The following CFAP70 variants were observed in gnomAD, a reference collection of about 807,000 sequenced individuals.
CFAP70 encodes cilia and flagella associated protein 70.
A neutral mutation model predicts 137.6 loss-of-function variants in CFAP70; 81 were observed. That is an observed-to-expected ratio of 0.59 (90% CI 0.49 to 0.71). The LOEUF (loss-of-function observed/expected upper bound fraction) is 0.71, where lower values mean the gene tolerates loss of function less well. Among genes scored for constraint, CFAP70 ranks in the 30% least tolerant of loss-of-function variants. The pLI is 0.00. For synonymous variants in CFAP70, 382 were observed against 423.6 expected, an observed-to-expected ratio of 0.90 and a Z score of 1.20; for missense variants, 976 against 1,226.7, an observed-to-expected ratio of 0.80 and a Z score of 3.05.
chr10:73,340,672 C>CT (rs1245867426), intron 6 of CFAP70, among the ~76,000 whole-genome samples: 1 of 152,210 alleles, frequency 6.6e-6, no homozygotes, highest in Non-Finnish European at 1.5e-5. Context: ...CGTGGGTGCC[C>CT]AAAGTCTGGA....
At chr10:73,329,715 C>G (rs2051872609) in intron 8 of CFAP70, among the ~76,000 whole-genome samples, 1 of 152,108 alleles carries the variant, frequency 6.6e-6, no homozygotes, top group Admixed American at 6.6e-5. Context: ...ACCTTTAGTT[C>G]ACAGACTCAT....
chr10:73,335,208 TA>T (rs761020323), intron 7 of CFAP70, among the ~76,000 whole-genome samples: 2 of 151,904 alleles, frequency 1.3e-5, no homozygotes, highest in African/African-American at 2.4e-5. Flanking sequence ...TTCTTTTATA[TA>T]AAAGAGGAAT....
At chr10:73,259,673 G>T (rs1165816504) in intron 25 of CFAP70, among the ~76,000 whole-genome samples, 2 of 152,210 alleles carry the variant, frequency 1.3e-5, no homozygotes, top group South Asian at 4.1e-4. Context: ...ACTAATAGAG[G>T]ATTAGCATCC....
chr10:73,330,449 CAAAAA>C (rs745806193), intron 8 of CFAP70, among the ~76,000 whole-genome samples: 1 of 69,126 alleles, frequency 1.4e-5, no homozygotes, highest in Non-Finnish European at 3.5e-5. Flanking sequence ...GACTCCATCA[CAAAAA>C]AAAAAAAAAA....
At chr10:73,277,478 GC>G in intron 20 of CFAP70, 117 bp from the exon 22 acceptor site, 1 of 1,068,792 alleles carries the variant, frequency 9.4e-7, no homozygotes, top group East Asian at 2.9e-5. Flanking sequence ...ACTTTGGGAG[GC>G]CGAGGCAGGC....
Position 73,274,580 on chromosome 10 carries a change from C to T in CFAP70, c.2688G>A (p.Trp896Ter). The change falls in exon 23 of 27, where the codon TGG (tryptophan) becomes TGA (stop). Residue 896 changes from tryptophan to a stop codon, truncating the protein, a stop_gained. Transcript: ENST00000310715. LOFTEE classifies it high-confidence loss of function. ...GAAAATAGAGATGGCCCTTCAGGCC[C>T]CAGACATTGGGGTTCTGGGAAAGTG... 3.1e-6 allele frequency: 5 copies of T among 1,613,404 alleles called. No homozygotes were observed. The highest frequency in any genetic ancestry group is 3.4e-6 in the Non-Finnish European group (4 of 1,179,742).
intron 25 of CFAP70, among the ~76,000 whole-genome samples, chr10:73,268,644 G>A (rs1313561232): frequency 6.6e-6 from 1 of 152,004 alleles, no homozygotes; most frequent in Non-Finnish European, 1.5e-5. Context: ...AGATCCTAGA[G>A]CTAGTTAGGG....
At chr10:73,278,204 A>G (rs1294330371) in exon 20 of CFAP70, 1 of 1,613,830 alleles carries the variant, frequency 6.2e-7, no homozygotes, top group Admixed American at 1.7e-5. Context: ...TCTCCTTGAT[A>G]AATGTGTTAG....
At chr10:73,277,289 G>A in exon 21 of CFAP70, 1 of 1,614,126 alleles carries the variant, frequency 6.2e-7, no homozygotes, top group East Asian at 2.2e-5. Context: ...CATGAAGATG[G>A]TGGTAGTTTG....
chr10:73,262,583 T>A (rs4534497), intron 25 of CFAP70, among the ~76,000 whole-genome samples: 15,975 of 152,160 alleles, frequency 0.1, 1,195 homozygotes, highest in East Asian at 0.29. Context: ...AATGAACTTA[T>A]CTTTTATCCA....
chr10:73,261,853 A>G (rs1478756236), intron 25 of CFAP70, among the ~76,000 whole-genome samples: 2 of 151,772 alleles, frequency 1.3e-5, no homozygotes, highest in Non-Finnish European at 2.9e-5. Context: ...GTGCGGTGTC[A>G]ATCTGCATTA....
intron 3 of CFAP70, among the ~76,000 whole-genome samples, chr10:73,351,962 C>A (rs530620336): frequency 6.6e-6 from 1 of 152,220 alleles, no homozygotes; most frequent in Admixed American, 6.5e-5. Context: ...CCTCTGACAC[C>A]TGATGGAGGC....
chr10:73,351,071 G>GTGTGTGTGTGTATA (rs1422420902), intron 3 of CFAP70, among the ~76,000 whole-genome samples: 1 of 31,382 alleles, frequency 3.2e-5, no homozygotes, highest in African/African-American at 9.2e-5. Flanking sequence ...GTGTGTGTGT[G>GTGTGTGTGTGTATA]TATATATATA....
chr10:73,285,266 TAAACAGAGTAGATAGG>T (rs2047605875), intron 19 of CFAP70, among the ~76,000 whole-genome samples: 3 of 152,178 alleles, frequency 2.0e-5, no homozygotes, highest in Admixed American at 2.0e-4. Context: ...GACTTCCAGT[TAAACAGAGTAGATAGG>T]CTATGTATAT....
rs770006061 is a variant in CFAP70, at chr10:73,291,323, T to C, written c.2142A>G (p.Val714=). The C allele has an allele frequency of 7.5e-5, 121 of 1,614,100 alleles. 1 individual carries two copies. The highest frequency in any genetic ancestry group is 8.1e-5 in the Non-Finnish European group (95 of 1,180,038). The change falls in exon 19 of 27, where the codon GTA becomes GTG. Residue 714 remains valine, a synonymous_variant. Coordinates refer to ENST00000310715, the Ensembl canonical transcript of CFAP70. ...TCTTCCCTCTTTCCTCAGTGTCTTC[T>C]ACACCAGTGCTCTTTTGCTTTGTTA...
chr10:73,265,733 A>G (rs974878668), intron 25 of CFAP70, among the ~76,000 whole-genome samples: 1 of 152,212 alleles, frequency 6.6e-6, no homozygotes. Context: ...TATATATGTC[A>G]GTCTATTTCT....
At chr10:73,265,141 C>A (rs969477448) in intron 25 of CFAP70, among the ~76,000 whole-genome samples, 5 of 152,106 alleles carry the variant, frequency 3.3e-5, no homozygotes, top group Non-Finnish European at 7.4e-5. Context: ...CTGGCTAACA[C>A]GGTGAAACCG....
chr10:73,345,095 C>A (rs1442515505), exon 5 of CFAP70: 1 of 1,614,108 alleles, frequency 6.2e-7, no homozygotes, highest in Non-Finnish European at 8.5e-7. Flanking sequence ...GCAGACCGAC[C>A]ATGTAGTTCT....
chr10:73,291,143 T>C (rs1251909980), intron 19 of CFAP70, 83 bp downstream of exon 20: 24 of 1,226,310 alleles, frequency 2.0e-5, no homozygotes, highest in Non-Finnish European at 2.7e-5. Context: ...GCCTCCCAGG[T>C]TGCTAGGACT....
Sources: allele counts gnomAD v4.1 joint callset (sites outside exome capture counted in the v4.1 genomes callset), GRCh38; gene constraint gnomAD v4.1.1; transcripts MANE v1.5; gene names NCBI Gene and HGNC (gene_info 2026-07-23, HGNC 2026-07-21).